CACNA1G: variants seen among roughly 807,000 people sequenced by gnomAD.
The protein encoded by CACNA1G is calcium voltage-gated channel subunit alpha1 G, also known as voltage-dependent T-type calcium channel subunit alpha-1G.
In CACNA1G, 67 loss-of-function variants were observed where a neutral mutation model predicts 219.4. The ratio of observed to expected loss-of-function variants is 0.31; its 90% CI spans 0.25 to 0.37. The LOEUF (loss-of-function observed/expected upper bound fraction) is 0.37. CACNA1G is among the 10% of genes least tolerant of loss of function. CACNA1G has a pLI of 1.00. For synonymous variants in CACNA1G, 1,296 were observed against 1,345.3 expected (o/e 0.96, Z 0.80); for missense variants, 2,380 against 3,231.4 (o/e 0.74, Z 6.39).
chr17:50,613,113 C>T (rs144059348), intron 26 of CACNA1G, among the ~76,000 whole-genome samples: 5 of 152,364 alleles, frequency 3.3e-5, no homozygotes, highest in African/African-American at 1.2e-4. Context: ...TGTCTGTACC[C>T]ACCTGGCAAC....
chr17:50,624,324 T>TGCCCCCCCCCCCCCCCCCCCTGC, intron 36 of CACNA1G, 36 bp from the exon 37 acceptor site: 2 of 1,177,658 alleles, frequency 1.7e-6, no homozygotes, highest in Non-Finnish European at 1.2e-6. Context: ...CTCCATTCTC[T>TGCCCCCCCCCCCCCCCCCCCTGC]CCCCCCACCC....
chr17:50,604,342 C>A, intron 22 of CACNA1G, 61 bp downstream of exon 22: 4 of 1,581,836 alleles, frequency 2.5e-6, no homozygotes, highest in Non-Finnish European at 3.5e-6. Flanking sequence ...TTCCCCTTGG[C>A]CCCTGGGTCC....
intron 9 of CACNA1G, among the ~76,000 whole-genome samples, chr17:50,579,009 G>A (rs886949502): frequency 3.3e-5 from 5 of 152,100 alleles, no homozygotes; most frequent in African/African-American, 7.2e-5. Flanking sequence ...ATGTAAACAG[G>A]GGTGCAGAGG....
chr17:50,601,806 AG>A (rs917341587), intron 19 of CACNA1G, among the ~76,000 whole-genome samples: 6 of 152,176 alleles, frequency 3.9e-5, no homozygotes, highest in Non-Finnish European at 7.4e-5. Flanking sequence ...TGGTTCCAGA[AG>A]GATGGGTGGG....
intron 22 of CACNA1G, among the ~76,000 whole-genome samples, chr17:50,604,759 AG>A (rs2047584996): frequency 1.3e-5 from 2 of 152,216 alleles, no homozygotes; most frequent in Admixed American, 1.3e-4. Context: ...CCTTGGGCCC[AG>A]GGAGGAGACT....
chr17:50,600,000 A>C, intron 17 of CACNA1G, 141 bp downstream of exon 17: 23 of 823,604 alleles, frequency 2.8e-5, no homozygotes, highest in Non-Finnish European at 3.9e-5. Flanking sequence ...GCTCCAAACA[A>C]TCCCTTTTCT....
rs147741844 is a variant in CACNA1G at position 50,578,287 on chromosome 17, C to T, written c.2024C>T (p.Ala675Val). ...DSCPYCARAG[A>V]GEVELADREM... ...TGCCCCTACTGTGCCCGGGCCGGGG[C>T]AGGGGAGGTGGAGCTCGCCGACCGT... Residue 675 changes from alanine to valine, a missense_variant, in exon 9 of 38, where the codon GCA (alanine) becomes GTA (valine). Ala to Val is a moderately conservative substitution (Grantham distance 64, BLOSUM62 0). Around this residue, in one of 17 missense-constraint regions of CACNA1G, gnomAD observed 434 missense variants for 417.3 expected, o/e 1.04. Coordinates refer to ENST00000359106, the MANE Select transcript of CACNA1G (RefSeq NM_018896.5). This position sits in a 1 kb window ranked among gnomAD's most constrained non-coding sequence, Gnocchi z 4.5. The T allele has an allele frequency of 6.2e-7, 1 of 1,613,022 alleles. No homozygotes were observed. The highest frequency in any genetic ancestry group is 1.1e-5 in the South Asian group (1 of 91,064).
intron 1 of CACNA1G, 79 bp downstream of exon 1, chr17:50,561,780 G>T: frequency 1.8e-6 from 2 of 1,108,888 alleles, no homozygotes; most frequent in Non-Finnish European, 2.3e-6. Flanking sequence ...GGGGGAAGAA[G>T]ACCCACCGCC....
intron 33 of CACNA1G, 133 bp from the exon 34 acceptor site, chr17:50,619,536 GTGTGCACATGTGCA>G: frequency 5.7e-6 from 3 of 523,112 alleles, no homozygotes; most frequent in Non-Finnish European, 1.0e-5. Context: ...GTTTTTGTGT[GTGTGCACATGTGCA>G]TGTGTGTTGT....
chr17:50,588,609 G>C (rs1256632974), intron 9 of CACNA1G, among the ~76,000 whole-genome samples: 1 of 152,172 alleles, frequency 6.6e-6, no homozygotes, highest in Admixed American at 6.5e-5. Context: ...CTGTGTGACC[G>C]GGCTAACCAG....
chr17:50,613,687 T>C (rs1476229104), intron 26 of CACNA1G, among the ~76,000 whole-genome samples: 1 of 152,262 alleles, frequency 6.6e-6, no homozygotes, highest in Admixed American at 6.5e-5. Context: ...CATTCATATT[T>C]TAGCATAATG....
chr17:50,590,982 T>C (rs1346061974), intron 10 of CACNA1G, among the ~76,000 whole-genome samples: 1 of 152,146 alleles, frequency 6.6e-6, no homozygotes, highest in Admixed American at 6.5e-5. Flanking sequence ...CCCAGCCAGC[T>C]GCCCGGCTCG....
Position 50,560,764 on chromosome 17 carries a change from G to A in CACNA1G, c.-696G>A, listed in dbSNP as rs2035392180. Among the ~76,000 whole-genome samples the A allele has an allele frequency of 6.6e-6, 1 of 152,184 alleles. No individual in the cohort carries two copies. Among genetic ancestry groups the A allele is most frequent in the African/African-American group, 2.4e-5 (1 of 41,458 alleles). ...TTTCGCTCGCTCGCTCCGCGTCTCG[G>A]CCGGAGGAGGAGGCTGTGGCGCCGG... On this transcript the variant is annotated 5_prime_UTR_variant, in exon 1 of 38. Coordinates refer to ENST00000359106, the MANE Select transcript of CACNA1G (RefSeq NM_018896.5).
intron 1 of CACNA1G, 52 bp from the exon 2 acceptor site, chr17:50,568,818 G>C: frequency 6.8e-7 from 1 of 1,466,214 alleles, no homozygotes; most frequent in Non-Finnish European, 9.5e-7. Flanking sequence ...GCGGGGTCGG[G>C]GGGCCGGCCT....
At chr17:50,565,167 A>G (rs1009028615) in intron 1 of CACNA1G, among the ~76,000 whole-genome samples, 8 of 152,178 alleles carry the variant, frequency 5.3e-5, no homozygotes, top group Non-Finnish European at 1.2e-4. Flanking sequence ...ACAGAGTCAC[A>G]GACGTTTGAA....
At chr17:50,611,883 C>A (rs948000308) in intron 26 of CACNA1G, among the ~76,000 whole-genome samples, 2 of 152,198 alleles carry the variant, frequency 1.3e-5, no homozygotes, top group Non-Finnish European at 2.9e-5. Flanking sequence ...CACTGCACTC[C>A]CATTCCGGGT....
At chr17:50,574,483 T>C (rs1293096821) in intron 7 of CACNA1G, among the ~76,000 whole-genome samples, 4 of 152,174 alleles carry the variant, frequency 2.6e-5, no homozygotes, top group Non-Finnish European at 5.9e-5. Flanking sequence ...GAAGCCTGAC[T>C]GGAGGCCTGT....
At chr17:50,576,500 A>G (rs932211283) in intron 8 of CACNA1G, among the ~76,000 whole-genome samples, 174 bp downstream of exon 8, 1 of 152,208 alleles carries the variant, frequency 6.6e-6, no homozygotes, top group Non-Finnish European at 1.5e-5. Flanking sequence ...GAATTTTCTC[A>G]TCTGCTAAAG....
intron 36 of CACNA1G, 34 bp from the exon 37 acceptor site, chr17:50,624,324 TCC>T: frequency 8.5e-7 from 1 of 1,177,644 alleles, no homozygotes; most frequent in Non-Finnish European, 1.2e-6. Flanking sequence ...CTCCATTCTC[TCC>T]CCCCACCCCT....
Sources: allele counts gnomAD v4.1 joint callset (sites outside exome capture counted in the v4.1 genomes callset), GRCh38; gene constraint gnomAD v4.1.1; regional missense constraint gnomAD v4.1.1; non-coding constraint Gnocchi (gnomAD v3.1); transcripts MANE v1.5; gene names NCBI Gene and HGNC (gene_info 2026-07-23, HGNC 2026-07-21).